TCF4: variants seen among roughly 807,000 people sequenced by gnomAD.
The protein encoded by TCF4 is transcription factor 4, also known as SL3-3 enhancer factor 2.
Under a neutral mutation model 82.1 loss-of-function variants are expected in TCF4, and 3 were observed. The ratio of observed to expected loss-of-function variants is 0.04; its 90% CI spans 0.02 to 0.09. The LOEUF (loss-of-function observed/expected upper bound fraction) is 0.09, where lower values mean the gene tolerates loss of function less well. TCF4 is among the 10% of genes least tolerant of loss of function. The pLI is 1.00. For synonymous variants in TCF4, 276 were observed against 309.6 expected (o/e 0.89, Z 1.14); for missense variants, 518 against 852.7 (o/e 0.61, Z 4.89).
chr18:55,627,539 G>A (rs1010787397), intron 2 of TCF4, among the ~76,000 whole-genome samples: 5 of 152,026 alleles, frequency 3.3e-5, no homozygotes, highest in Non-Finnish European at 7.4e-5. Context: ...CAAGGCGGGT[G>A]GATCACTTGA....
intron 15 of TCF4, among the ~76,000 whole-genome samples, chr18:55,249,895 G>A (rs569731075): frequency 7.9e-5 from 12 of 152,118 alleles, no homozygotes; most frequent in South Asian, 2.1e-4. Flanking sequence ...CATTTGAAAC[G>A]CTTCTTTTCA....
intron 9 of TCF4, among the ~76,000 whole-genome samples, chr18:55,276,718 G>A (rs1246209156): frequency 6.6e-6 from 1 of 152,068 alleles, no homozygotes; most frequent in Non-Finnish European, 1.5e-5. Flanking sequence ...TATACACTAG[G>A]CCATCAGCTG....
intron 3 of TCF4, among the ~76,000 whole-genome samples, chr18:55,480,479 A>C (rs1438489631): frequency 1.3e-5 from 2 of 152,200 alleles, no homozygotes; most frequent in African/African-American, 4.8e-5. Flanking sequence ...ACTAAAACAA[A>C]CATAGCAGAA....
At chr18:55,446,948 T>C (rs2095536238) in intron 5 of TCF4, among the ~76,000 whole-genome samples, 1 of 140,806 alleles carries the variant, frequency 7.1e-6, no homozygotes, top group African/African-American at 2.7e-5. Context: ...ATCGCGCCAC[T>C]GCATGCTAGC....
At chr18:55,523,771 G>T (rs1339920800) in intron 3 of TCF4, among the ~76,000 whole-genome samples, 2 of 151,544 alleles carry the variant, frequency 1.3e-5, no homozygotes. Context: ...TTCACTATTT[G>T]CTAAATGTTC....
In TCF4 at chr18:55,232,634, A is replaced by C. The variant is rs752370780; in HGVS notation, c.1524T>G (p.Ser508=). 6.2e-7 allele frequency: 1 copy of C among 1,614,052 alleles called. No individual in the cohort carries two copies. The highest frequency in any genetic ancestry group is 8.5e-7 in the Non-Finnish European group (1 of 1,180,026). The change falls in exon 17 of 20, where the codon TCT becomes TCG. Residue 508 remains serine, a synonymous_variant. Coordinates refer to ENST00000354452, the MANE Select transcript of TCF4 (RefSeq NM_001083962.2). ...CATCGGATTTGATCTCAGAGCTGCC[A>C]GAGGAGACACTCTGCCCCTGTAGTC... The part of the protein sequence containing the change: ...PPGLQGQSVS[S]GSSEIKSDDE...
rs577564929 is a variant in TCF4, at chr18:55,472,760, C to T, written c.146-8623G>A. On this transcript the variant is annotated intron_variant, in intron 3 of 19. Coordinates refer to ENST00000354452, the MANE Select transcript of TCF4 (RefSeq NM_001083962.2). The stretch of plus-strand genomic sequence containing the variant: ...AGACTTTGAAAAAAAAATCAAAGTA[C>T]CATCTAACTTCAACATTACACAGAT... Among the ~76,000 whole-genome samples, 11 of 151,924 alleles carry T rather than the reference C, an allele frequency of 7.2e-5. No individual in the cohort carries two copies. The South Asian group carries it at 2.1e-3, about 29-fold the overall frequency.
chr18:55,492,077 A>T (rs551722900), intron 3 of TCF4: 1 of 152,316 alleles, frequency 6.6e-6, no homozygotes, highest in South Asian at 2.1e-4. Context: ...ATAACTTCTC[A>T]GCCCTGAGGA....
intron 5 of TCF4, among the ~76,000 whole-genome samples, chr18:55,414,157 G>C (rs1388223126): frequency 6.6e-6 from 1 of 152,178 alleles, no homozygotes; most frequent in Non-Finnish European, 1.5e-5. Context: ...CATTCTAACA[G>C]AGGTAATAAG....
chr18:55,395,591 T>C (rs1289318489), intron 6 of TCF4, among the ~76,000 whole-genome samples: 1 of 152,216 alleles, frequency 6.6e-6, no homozygotes, highest in Non-Finnish European at 1.5e-5. Flanking sequence ...ACTTGAGGGC[T>C]AAATGCCATA....
At chr18:55,403,939 A>G in intron 5 of TCF4, 1 of 1,358,356 alleles carries the variant, frequency 7.4e-7, no homozygotes, top group South Asian at 1.8e-5. Flanking sequence ...AAAACTAATC[A>G]ATCACAGGCT....
At chr18:55,263,186 A>C (rs538843873) in intron 11 of TCF4, among the ~76,000 whole-genome samples, 1 of 152,286 alleles carries the variant, frequency 6.6e-6, no homozygotes, top group Non-Finnish European at 1.5e-5. Context: ...ACTGAAAGAA[A>C]TCTGGCACAT....
At chr18:55,521,606 G>C (rs1456196311) in intron 3 of TCF4, among the ~76,000 whole-genome samples, 6 of 152,204 alleles carry the variant, frequency 3.9e-5, no homozygotes, top group Non-Finnish European at 1.5e-5. Context: ...TGAGTTGACT[G>C]ATAAAGGCCA....
At position 55,282,023 on chromosome 18, in the gene TCF4, T is replaced by C. The variant is rs80203464; in HGVS notation, c.550-2367A>G. On this transcript the variant is annotated intron_variant, in intron 8 of 19. Coordinates refer to ENST00000354452, the MANE Select transcript of TCF4 (RefSeq NM_001083962.2). ...TGTTAATAGGCAACGGACCACTGTTTATAGTTTTTTATACAGACAATTTCT... is the reference window on the plus strand; with the variant it reads ...TGTTAATAGGCAACGGACCACTGTTCATAGTTTTTTATACAGACAATTTCT... Among the ~76,000 whole-genome samples, 233 of 152,174 alleles carry C rather than the reference T, an allele frequency of 1.5e-3. 7 individuals are homozygous for C. In the East Asian group the frequency reaches 0.039, roughly 26 times the overall value.
chr18:55,282,455 C>T (rs948124201), intron 8 of TCF4, among the ~76,000 whole-genome samples: 2 of 152,024 alleles, frequency 1.3e-5, no homozygotes, highest in Non-Finnish European at 2.9e-5. Context: ...CAGTGAACTG[C>T]TTCATTACTT....
chr18:55,343,814 C>A lies in TCF4; in HGVS notation c.549+6545G>T, dbSNP rs73490833. 4.8e-3 allele frequency among the ~76,000 whole-genome samples: 725 copies of A among 152,210 alleles called. 5 individuals carry two copies. The highest frequency in any genetic ancestry group is 0.017 in the African/African-American group (702 of 41,560). On this transcript the variant is annotated intron_variant, in intron 8 of 19. Transcript: ENST00000354452. ...TTTTGCACCACATTGTATAAAAGCT[C>A]CTATTCCTTTAAAAGAAGCACACTC... is the stretch of plus-strand genomic sequence containing the variant.
chr18:55,627,517 A>T (rs965645597), intron 2 of TCF4, among the ~76,000 whole-genome samples: 7 of 152,192 alleles, frequency 4.6e-5, no homozygotes, highest in African/African-American at 1.7e-4. Flanking sequence ...TAATCTCAGC[A>T]CTTTGGGAGG....
Position 55,633,829 on chromosome 18 carries a change from G to C in TCF4, c.195+1874C>G, listed in dbSNP as rs1240134343. Among the ~76,000 whole-genome samples, 1 of 151,966 alleles carries C rather than the reference G, an allele frequency of 6.6e-6. No individual in the cohort carries two copies. The highest frequency in any genetic ancestry group is 1.5e-5 in the Non-Finnish European group (1 of 68,008). On this transcript the variant is annotated intron_variant, in intron 1 of 20. Coordinates refer to the TCF4 transcript ENST00000398339. The surrounding 1 kb of genome is among the most constrained non-coding windows in gnomAD (Gnocchi z 4.0). ...CTATAGTTTGTCAACCCTTGATATA[G>C]AGCATAGCCAGGAGAAACAGCTGTA...
rs372994423 is a variant in TCF4, at chr18:55,494,280, A to G, written c.146-30143T>C. 1.7e-4 allele frequency among the ~76,000 whole-genome samples: 25 copies of G among 150,756 alleles called. 1 individual carries two copies. In the South Asian group the frequency reaches 4.2e-3, roughly 25 times the overall value. On this transcript the variant is annotated intron_variant, in intron 3 of 19. Transcript: ENST00000354452. ...CTAATAAAGTAACCACAAACTGTAC[A>G]TATATTCTATTTGAGAAAAAAAAAA...
Sources: allele counts gnomAD v4.1 joint callset (sites outside exome capture counted in the v4.1 genomes callset), GRCh38; gene constraint gnomAD v4.1.1; non-coding constraint Gnocchi (gnomAD v3.1); transcripts MANE v1.5; gene names NCBI Gene and HGNC (gene_info 2026-07-23, HGNC 2026-07-21).